DAAM1: variants seen among roughly 807,000 people sequenced by gnomAD.
The protein encoded by DAAM1 is dishevelled associated activator of morphogenesis 1, also known as disheveled-associated activator of morphogenesis 1.
In DAAM1, 52 loss-of-function variants were observed where a neutral mutation model predicts 130.0. The ratio of observed to expected loss-of-function variants is 0.40; its 90% CI spans 0.32 to 0.50. The LOEUF is 0.50. DAAM1 is among the 20% of genes least tolerant of loss of function. The probability of loss-of-function intolerance (pLI) is 0.61; values close to 1 mark genes in which losing one functional copy is unlikely to be tolerated. For synonymous variants in DAAM1, 452 were observed against 444.5 expected (o/e 1.02, Z -0.21); for missense variants, 1,134 against 1,303.8 (o/e 0.87, Z 2.01).
At chr14:59,276,790 C>T (rs1196623291) in intron 2 of DAAM1, among the ~76,000 whole-genome samples, 2 of 152,002 alleles carry the variant, frequency 1.3e-5, no homozygotes, top group African/African-American at 4.8e-5. Flanking sequence ...CAAAAGAAAA[C>T]AAAAAACAAA....
chr14:59,217,487 T>G (rs1888619992), intron 1 of DAAM1, among the ~76,000 whole-genome samples: 1 of 152,178 alleles, frequency 6.6e-6, no homozygotes, highest in African/African-American at 2.4e-5. Flanking sequence ...ATATAACATG[T>G]CTATGCTGCT....
Position 59,368,712 on chromosome 14 carries a change from C to A in DAAM1, c.3060C>A (p.Ser1020Arg). 1 of 1,613,780 alleles carries A rather than the reference C, an allele frequency of 6.2e-7. No homozygotes were observed. The highest frequency in any genetic ancestry group is 1.1e-5 in the South Asian group (1 of 91,048). The change falls in exon 25 of 25, where the codon AGC (serine) becomes AGA (arginine). Residue 1020 changes from serine (S) to arginine (R), a missense_variant. By Grantham distance (110) the Ser-to-Arg change is moderately radical. Around this residue, in one of 3 missense-constraint regions of DAAM1, gnomAD observed 644 missense variants for 695.9 expected, o/e 0.93. Coordinates refer to ENST00000360909, the MANE Select transcript of DAAM1 (RefSeq NM_001270520.2). ...MRKAKENSEE[S>R]GEFDDLVSAL... is the part of the protein sequence containing the mutation. ...AAGCTAAAGAGAATAGTGAAGAAAGCGGAGAGTTTGATGACCTTGTTTCAG... is the reference window on the plus strand; with the variant it reads ...AAGCTAAAGAGAATAGTGAAGAAAGAGGAGAGTTTGATGACCTTGTTTCAG...
chr14:59,201,277 G>A (rs1888096670), intron 1 of DAAM1, among the ~76,000 whole-genome samples: 1 of 151,996 alleles, frequency 6.6e-6, no homozygotes, highest in East Asian at 1.9e-4. Flanking sequence ...AGTTGCAGAT[G>A]TGGGCTGGGT....
chr14:59,302,842 T>A (rs1884226272), intron 3 of DAAM1, among the ~76,000 whole-genome samples: 1 of 152,030 alleles, frequency 6.6e-6, no homozygotes, highest in Non-Finnish European at 1.5e-5. Flanking sequence ...TTAGTAGAGA[T>A]GGGGTTTCAC....
chr14:59,355,113 T>G, intron 19 of DAAM1, 52 bp from the exon 20 acceptor site: 1 of 1,580,796 alleles, frequency 6.3e-7, no homozygotes, highest in Non-Finnish European at 8.6e-7. Flanking sequence ...ACATCTTGAT[T>G]TCAAACAACG....
intron 16 of DAAM1, among the ~76,000 whole-genome samples, chr14:59,342,869 G>A (rs1885905194): frequency 6.6e-6 from 1 of 152,158 alleles, no homozygotes; most frequent in Admixed American, 6.6e-5. Flanking sequence ...GTGGTGTCAA[G>A]GAGGCGTGCA....
In DAAM1 at chr14:59,328,475, C is replaced by T. The variant is rs564589417; in HGVS notation, c.1372+1484C>T. On this transcript the variant is annotated intron_variant, in intron 12 of 24. Transcript: ENST00000360909. ...GCACTTAGGATGTAAGCTTTCGAGTCATTCATTCATTCGTTCATTCAGTGA... is the reference window on the plus strand; with the variant it reads ...GCACTTAGGATGTAAGCTTTCGAGTTATTCATTCATTCGTTCATTCAGTGA... Among the ~76,000 whole-genome samples the T allele has an allele frequency of 1.6e-4, 24 of 152,290 alleles. No homozygotes were observed. In the South Asian group the frequency reaches 2.7e-3, roughly 17 times the overall value.
Position 59,333,107 on chromosome 14 carries a change from A to G in DAAM1, c.1968+1187A>G, listed in dbSNP as rs1024402621. ...TTGTTTCATTTTGTTTTGTTTTTCA[A>G]AATGGCCTTTGATACATCTGAAATG... On this transcript the variant is annotated intron_variant, in intron 15 of 24. Transcript: ENST00000360909. Among the ~76,000 whole-genome samples the G allele has an allele frequency of 2.0e-5, 3 of 152,352 alleles. No individual in the cohort carries two copies. The South Asian group carries it at 6.2e-4, about 32-fold the overall frequency.
At chr14:59,361,121 T>TAA (rs1886688887) in intron 22 of DAAM1, among the ~76,000 whole-genome samples, 1 of 152,178 alleles carries the variant, frequency 6.6e-6, no homozygotes, top group African/African-American at 2.4e-5. Flanking sequence ...AATTTATCTG[T>TAA]AAGGCAGGAT....
intron 3 of DAAM1, 80 bp from the exon 4 acceptor site, chr14:59,315,200 G>A (rs951239343): frequency 6.9e-5 from 86 of 1,248,026 alleles, no homozygotes; most frequent in Non-Finnish European, 9.5e-5. Context: ...CATTGTCTGG[G>A]TGCTCTGGAA....
chr14:59,211,957 A>G (rs1888437599), intron 1 of DAAM1, among the ~76,000 whole-genome samples: 1 of 152,210 alleles, frequency 6.6e-6, no homozygotes, highest in African/African-American at 2.4e-5. Context: ...AAGAAATATA[A>G]AACACTCCTT....
chr14:59,347,484 G>A (rs1886127426), intron 16 of DAAM1, 55 bp from the exon 17 acceptor site: 4 of 1,529,554 alleles, frequency 2.6e-6, no homozygotes, highest in Non-Finnish European at 2.7e-6. Flanking sequence ...AGTGAATTAT[G>A]TTAAATTTTA....
intron 1 of DAAM1, among the ~76,000 whole-genome samples, chr14:59,245,317 A>G (rs1488468798): frequency 6.6e-6 from 1 of 152,080 alleles, no homozygotes; most frequent in African/African-American, 2.4e-5. Context: ...TATACTTTCA[A>G]TACTGTATTG....
intron 1 of DAAM1, among the ~76,000 whole-genome samples, chr14:59,199,680 A>G (rs566456705): frequency 2.0e-5 from 3 of 152,350 alleles, no homozygotes; most frequent in African/African-American, 7.2e-5. Context: ...TCAAAGGTTT[A>G]TCTAGCAGTG....
chr14:59,290,618 ACCT>A (rs1883703573), intron 2 of DAAM1, among the ~76,000 whole-genome samples: 1 of 152,152 alleles, frequency 6.6e-6, no homozygotes. Context: ...CAAGAAAATA[ACCT>A]CCTTACTCTG....
At chr14:59,250,930 C>G (rs1881608776) in intron 1 of DAAM1, among the ~76,000 whole-genome samples, 1 of 152,128 alleles carries the variant, frequency 6.6e-6, no homozygotes, top group South Asian at 2.1e-4. Flanking sequence ...ATGTCAGTCC[C>G]ATGGACCTAG....
chr14:59,266,307 C>T (rs1882439243), intron 2 of DAAM1: 1 of 151,838 alleles, frequency 6.6e-6, no homozygotes, highest in Non-Finnish European at 1.5e-5. Context: ...AATGACTGCC[C>T]TCAGTGGTAG....
At chr14:59,366,457 G>A (rs1380111954) in intron 23 of DAAM1, among the ~76,000 whole-genome samples, 1 of 152,060 alleles carries the variant, frequency 6.6e-6, no homozygotes, top group Non-Finnish European at 1.5e-5. Flanking sequence ...TGACCATATG[G>A]CACCAGTAAA....
intron 16 of DAAM1, among the ~76,000 whole-genome samples, chr14:59,345,637 C>T (rs1186050839): frequency 2.0e-5 from 3 of 152,146 alleles, no homozygotes; most frequent in African/African-American, 7.2e-5. Context: ...TCCAGCTTCA[C>T]CTGGGGCTTC....
Sources: gnomAD v4.1 joint callset for allele counts (sites outside exome capture counted in the v4.1 genomes callset) on GRCh38, gnomAD v4.1.1 for gene constraint, gnomAD v4.1.1 regional missense constraint, MANE v1.5 for transcripts, NCBI Gene and HGNC (gene_info 2026-07-23, HGNC 2026-07-21) for gene names.